Variants in ELL observed in about 807,000 individuals in gnomAD.
ELL encodes the protein RNA polymerase II elongation factor ELL.
In ELL, 18 loss-of-function variants were observed where a neutral mutation model predicts 64.0. The ratio of observed to expected loss-of-function variants is 0.28; its 90% CI spans 0.19 to 0.42. The LOEUF is 0.42. Ranked by LOEUF, ELL falls within the 10% of genes least tolerant of loss-of-function variation. The pLI, the probability that ELL is intolerant of heterozygous loss-of-function variation, is 1.00. For synonymous variants in ELL, 399 were observed against 376.2 expected (o/e 1.06, Z -0.70); for missense variants, 797 against 870.4 (o/e 0.92, Z 1.06).
chr19:18,508,196 A>G (rs1055403371), intron 1 of ELL, among the ~76,000 whole-genome samples: 6 of 152,156 alleles, frequency 3.9e-5, no homozygotes, highest in Admixed American at 1.3e-4. Flanking sequence ...CGCCTATAGC[A>G]CTTTGGGAGG....
chr19:18,458,377 G>T, intron 5 of ELL, 48 bp from the exon 6 acceptor site: 1 of 1,588,072 alleles, frequency 6.3e-7, no homozygotes, highest in Non-Finnish European at 8.6e-7. Context: ...TGAGAGAGAC[G>T]GGGGACTAGA....
Position 18,461,779 on chromosome 19 carries a change from G to A in ELL, c.543C>T (p.Pro181=), listed in dbSNP as rs1974820103. ...DAVPSRKRAT[P]INLASAIRKS... is the part of the protein sequence containing the mutation. ...TCCTGATGGCACTCGCCAAGTTGAT[G>A]GGGGTTGCCCGCTTCCGGGAGGGCA... The change falls in exon 5 of 12, where the codon CCC becomes CCT. Residue 181 remains proline (P), a synonymous_variant. Transcript: ENST00000262809. 7 of 1,614,012 alleles carry A rather than the reference G, an allele frequency of 4.3e-6. No individual in the cohort carries two copies. In the Admixed American group the frequency reaches 8.3e-5, roughly 19 times the overall value.
At chr19:18,468,218 A>C (rs1191045488) in intron 2 of ELL, among the ~76,000 whole-genome samples, 5 of 117,432 alleles carry the variant, frequency 4.3e-5, no homozygotes, top group Non-Finnish European at 8.1e-5. Context: ...CACACACACA[A>C]ACAATCCATA....
intron 4 of ELL, among the ~76,000 whole-genome samples, chr19:18,462,374 G>GGA (rs1483290866): frequency 1.7e-5 from 1 of 58,530 alleles, no homozygotes; most frequent in Non-Finnish European, 2.8e-5. Context: ...TTTGGGCGGG[G>GGA]GGCGGGGGGG....
intron 1 of ELL, among the ~76,000 whole-genome samples, chr19:18,518,880 A>G (rs1167152819): frequency 6.6e-6 from 1 of 151,976 alleles, no homozygotes; most frequent in Non-Finnish European, 1.5e-5. Context: ...TTTACCTTCC[A>G]CCACGCTGCT....
chr19:18,488,474 A>G (rs1207022856), intron 1 of ELL, among the ~76,000 whole-genome samples: 1 of 152,178 alleles, frequency 6.6e-6, no homozygotes, highest in Non-Finnish European at 1.5e-5. Context: ...GCAAGTCCCC[A>G]AACCTCAGAG....
chr19:18,510,967 TA>T (rs1456265001), intron 1 of ELL, among the ~76,000 whole-genome samples: 1 of 151,922 alleles, frequency 6.6e-6, no homozygotes, highest in Non-Finnish European at 1.5e-5. Context: ...ACTAAAAATA[TA>T]AAAATTAGCT....
In ELL at chr19:18,446,141, C is replaced by T. The variant is rs1043501061; in HGVS notation, c.1704+168G>A. The T allele has an allele frequency of 4.0e-5, 35 of 866,426 alleles. 1 individual carries two copies. The highest frequency in any genetic ancestry group is 1.9e-4 in the Admixed American group (6 of 31,464). The allele number at this position is 866,426 out of a possible 1,614,324, so 53.7% of individuals were successfully genotyped here. On this transcript the variant is annotated intron_variant, in intron 10 of 11. Transcript: ENST00000262809. ...GACTCCCACAACAGGACCCCAGGGC[C>T]GGGCCAGAACCATGGGGTTGCTGCA...
At chr19:18,451,077 C>A in intron 7 of ELL, 102 bp from the exon 8 acceptor site, 1 of 1,391,710 alleles carries the variant, frequency 7.2e-7, no homozygotes, top group Non-Finnish European at 9.3e-7. Context: ...GCCTGCAAGG[C>A]CCACGCTGGC....
intron 1 of ELL, among the ~76,000 whole-genome samples, chr19:18,521,539 G>T (rs562867710): frequency 6.6e-6 from 1 of 152,156 alleles, no homozygotes; most frequent in Non-Finnish European, 1.5e-5. Flanking sequence ...CCCCTATCAC[G>T]GTGCCGGGAC....
chr19:18,451,293 G>C (rs1224336108), intron 7 of ELL, among the ~76,000 whole-genome samples: 1 of 152,214 alleles, frequency 6.6e-6, no homozygotes, highest in Non-Finnish European at 1.5e-5. Flanking sequence ...GGAAGCCCAG[G>C]GTTGAGCCCA....
chr19:18,512,036 T>G (rs1226601456), intron 1 of ELL, among the ~76,000 whole-genome samples: 2 of 151,674 alleles, frequency 1.3e-5, no homozygotes, highest in African/African-American at 4.9e-5. Context: ...ATGCCTGTAA[T>G]CCCAGCTACT....
chr19:18,471,326 G>C (rs1975060447), intron 2 of ELL: 1 of 435,934 alleles, frequency 2.3e-6, no homozygotes, highest in South Asian at 1.7e-5. Flanking sequence ...AGTAAGCTAT[G>C]GTTGTGCCAC....
intron 1 of ELL, among the ~76,000 whole-genome samples, chr19:18,519,761 C>T (rs1479838986): frequency 1.4e-5 from 2 of 146,874 alleles, no homozygotes; most frequent in African/African-American, 5.1e-5. Flanking sequence ...GAGCCGGGAT[C>T]GCGCCACCTC....
At chr19:18,482,338 A>C (rs1485018798) in intron 1 of ELL, among the ~76,000 whole-genome samples, 1 of 53,728 alleles carries the variant, frequency 1.9e-5, no homozygotes. Context: ...TTTTTTTTTA[A>C]ACAGGGTCTC....
At chr19:18,488,874 G>T (rs927544455) in intron 1 of ELL, among the ~76,000 whole-genome samples, 1 of 152,228 alleles carries the variant, frequency 6.6e-6, no homozygotes, top group Non-Finnish European at 1.5e-5. Context: ...GTCAGAATGT[G>T]TCTTTTCTCC....
At chr19:18,495,580 TGAA>T (rs1975632314) in intron 1 of ELL, among the ~76,000 whole-genome samples, 1 of 151,858 alleles carries the variant, frequency 6.6e-6, no homozygotes, top group Non-Finnish European at 1.5e-5. Context: ...CCACTGCAGC[TGAA>T]GGAGGAGGGC....
intron 4 of ELL, among the ~76,000 whole-genome samples, chr19:18,463,247 T>TA (rs1409413869): frequency 6.6e-6 from 1 of 150,974 alleles, no homozygotes; most frequent in Non-Finnish European, 1.5e-5. Context: ...CTCACCCATA[T>TA]AGGGCCAGGC....
chr19:18,490,458 G>GCAGC (rs1789574982), intron 1 of ELL, among the ~76,000 whole-genome samples: 1 of 152,120 alleles, frequency 6.6e-6, no homozygotes, highest in Non-Finnish European at 1.5e-5. Flanking sequence ...TGTCCTCCCC[G>GCAGC]CAGCGGGAGC....
Sources: gnomAD v4.1 joint callset for allele counts (sites outside exome capture counted in the v4.1 genomes callset) on GRCh38, gnomAD v4.1.1 for gene constraint, MANE v1.5 for transcripts, NCBI Gene and HGNC (gene_info 2026-07-23, HGNC 2026-07-21) for gene names.